Variants in KIF13B observed in about 807,000 individuals in gnomAD.
KIF13B encodes kinesin-like protein KIF13B.
A neutral mutation model predicts 222.0 loss-of-function variants in KIF13B; 127 were observed. The ratio of observed to expected loss-of-function variants is 0.57; its 90% CI spans 0.50 to 0.66. The LOEUF is 0.66. Among genes scored for constraint, KIF13B ranks in the 30% least tolerant of loss-of-function variants. KIF13B has a pLI of 0.00. For missense variants in KIF13B, 2,173 were observed against 2,379.0 expected (o/e 0.91, Z 1.80); for synonymous variants, 976 against 919.0 (o/e 1.06, Z -1.12).
intron 34 of KIF13B, 91 bp from the exon 35 acceptor site, chr8:29,108,283 G>A (rs995720335): frequency 2.1e-5 from 25 of 1,216,380 alleles, no homozygotes; most frequent in East Asian, 2.5e-5. Flanking sequence ...CCAGTCAACC[G>A]AACGTCAAAG....
chr8:29,221,023 T>G (rs1814719678), intron 2 of KIF13B, among the ~76,000 whole-genome samples: 1 of 151,560 alleles, frequency 6.6e-6, no homozygotes, highest in African/African-American at 2.4e-5. Flanking sequence ...GCACCTGTAG[T>G]GTCACCTACT....
chr8:29,081,509 C>T (rs1197616847), intron 37 of KIF13B, among the ~76,000 whole-genome samples: 1 of 152,156 alleles, frequency 6.6e-6, no homozygotes, highest in Non-Finnish European at 1.5e-5. Context: ...TCAAGTATTT[C>T]CGACGGAACT....
At chr8:29,254,556 G>A (rs479798) in intron 1 of KIF13B, among the ~76,000 whole-genome samples, 6,801 of 152,214 alleles carry the variant, frequency 0.045, 281 homozygotes, top group Admixed American at 0.12. Flanking sequence ...ATGAAAAGAC[G>A]CTCAACATTA....
chr8:29,188,721 C>T (rs928090862), intron 4 of KIF13B, 114 bp from the exon 5 acceptor site: 7 of 668,188 alleles, frequency 1.0e-5, no homozygotes, highest in African/African-American at 5.5e-5. Context: ...TATCTCCAAA[C>T]AAGATTTTTA....
chr8:29,098,031 C>T (rs1808613632), intron 36 of KIF13B, among the ~76,000 whole-genome samples: 1 of 151,552 alleles, frequency 6.6e-6, no homozygotes, highest in African/African-American at 2.4e-5. Context: ...ATTAGCTTGG[C>T]ATGGTGGCAC....
intron 2 of KIF13B, among the ~76,000 whole-genome samples, chr8:29,235,695 T>C (rs982737516): frequency 6.6e-6 from 1 of 152,166 alleles, no homozygotes; most frequent in Non-Finnish European, 1.5e-5. Context: ...GATAAACATA[T>C]AAAAGATGCC....
chr8:29,101,003 G>C, intron 35 of KIF13B, among the ~76,000 whole-genome samples: 1 of 152,170 alleles, frequency 6.6e-6, no homozygotes, highest in East Asian at 1.9e-4. Context: ...AAAATGGTGT[G>C]ATGGTCAGGA....
At chr8:29,213,134 A>C (rs1305070523) in intron 2 of KIF13B, among the ~76,000 whole-genome samples, 1 of 151,986 alleles carries the variant, frequency 6.6e-6, no homozygotes, top group Non-Finnish European at 1.5e-5. Flanking sequence ...ACCTCATTCA[A>C]CCTCTCTGCA....
At chr8:29,148,992 CAG>C (rs1380163376) in intron 15 of KIF13B, among the ~76,000 whole-genome samples, 1 of 152,132 alleles carries the variant, frequency 6.6e-6, no homozygotes, top group Non-Finnish European at 1.5e-5. Flanking sequence ...GTGACAAGCT[CAG>C]AGTGAAAGGA....
At chr8:29,097,891 G>A (rs1808606502) in intron 36 of KIF13B, among the ~76,000 whole-genome samples, 1 of 152,036 alleles carries the variant, frequency 6.6e-6, no homozygotes, top group Admixed American at 6.6e-5. Context: ...AGGTAAAGTG[G>A]CCAGGTGCGA....
In KIF13B at chr8:29,071,868, C is replaced by A. The variant is rs1448086506; in HGVS notation, c.4970G>T (p.Arg1657Leu). 1.3e-6 allele frequency: 2 copies of A among 1,535,528 alleles called. No homozygotes were observed. The highest frequency in any genetic ancestry group is 2.5e-5 in the East Asian group (1 of 40,802). Residue 1657 changes from arginine to leucine, a missense_variant, in exon 39 of 40, where the codon CGC becomes CTC. Transcript: ENST00000524189. This position sits in a 1 kb window ranked among gnomAD's most constrained non-coding sequence, Gnocchi z 4.9. ...RVRRVRASELRSFSRMLAGDP... is the reference protein window; with the variant it reads ...RVRRVRASELLSFSRMLAGDP... The stretch of plus-strand genomic sequence containing the variant: ...CCCAGCCAGCATGCGCGAGAAGGAG[C>A]GCAACTCCGAGGCCCGCACCCTCCG...
intron 1 of KIF13B, among the ~76,000 whole-genome samples, chr8:29,246,838 C>T (rs1035639173): frequency 6.6e-6 from 1 of 152,184 alleles, no homozygotes; most frequent in Non-Finnish European, 1.5e-5. Context: ...GATGCCAAAA[C>T]AACCCAATGG....
At position 29,134,040 on chromosome 8, in the gene KIF13B, A is replaced by G. The variant is rs1810457085; in HGVS notation, c.2784T>C (p.Asn928=). The G allele has an allele frequency of 6.2e-7, 1 of 1,611,968 alleles. No individual in the cohort carries two copies. The highest frequency in any genetic ancestry group is 8.5e-7 in the Non-Finnish European group (1 of 1,179,036). Residue 928 remains asparagine (N), a splice_region_variant and synonymous_variant, in exon 22 of 40, where the codon AAT becomes AAC. Transcript: ENST00000524189. Reference sequence around the variant, plus strand: ...GACCTACTCTGGAAAACAAACTCACATTGCAATGATCAAAGACAACCATGC... The same window carrying G: ...GACCTACTCTGGAAAACAAACTCACGTTGCAATGATCAAAGACAACCATGC... The part of the protein sequence containing the change: ...PHCMVVFDHC[N]EFSVNITEDF...
chr8:29,091,354 T>C (rs1320424107), intron 37 of KIF13B, among the ~76,000 whole-genome samples: 1 of 152,192 alleles, frequency 6.6e-6, no homozygotes. Flanking sequence ...AGGAGAATAG[T>C]AATGATGGCA....
At position 29,140,586 on chromosome 8, in the gene KIF13B, G is replaced by A. The variant is rs1220345843; in HGVS notation, c.2366C>T (p.Pro789Leu). ...GTGATTTTCCTGCTCATCATAGAAT[G>A]GATCAGCACGTTTGAAGTATGATCG... is the stretch of plus-strand genomic sequence containing the variant. ...VIRSYFKRAD[P>L]FYDEQENHSL... The change falls in exon 20 of 40, where the codon CCA becomes CTA. Residue 789 changes from proline (P) to leucine (L), a missense_variant. Transcript: ENST00000524189. The A allele has an allele frequency of 1.2e-6, 2 of 1,613,336 alleles. No individual in the cohort carries two copies. The highest frequency in any genetic ancestry group is 2.7e-5 in the African/African-American group (2 of 74,878).
chr8:29,139,179 T>C (rs1810697683), intron 21 of KIF13B, among the ~76,000 whole-genome samples: 1 of 152,158 alleles, frequency 6.6e-6, no homozygotes, highest in African/African-American at 2.4e-5. Flanking sequence ...GATCTTCCAT[T>C]AAAAAACATG....
intron 15 of KIF13B, 37 bp from the exon 16 acceptor site, chr8:29,148,804 G>A (rs779939067): frequency 1.4e-5 from 21 of 1,511,814 alleles, no homozygotes; most frequent in Admixed American, 1.9e-5. Context: ...CTGAAGTTAA[G>A]ATAGGCACTT....
intron 29 of KIF13B, among the ~76,000 whole-genome samples, chr8:29,121,178 CT>C (rs1563718604): frequency 1.4e-5 from 2 of 146,854 alleles, no homozygotes; most frequent in African/African-American, 5.1e-5. Context: ...CTACCAATGA[CT>C]TTCTTCACAG....
chr8:29,094,345 T>C (rs1289186830), intron 36 of KIF13B, among the ~76,000 whole-genome samples: 2 of 152,226 alleles, frequency 1.3e-5, no homozygotes, highest in Non-Finnish European at 2.9e-5. Context: ...GCCAGTCTAC[T>C]CTACAAGAAC....
Sources: allele counts gnomAD v4.1 joint callset (sites outside exome capture counted in the v4.1 genomes callset), GRCh38; gene constraint gnomAD v4.1.1; non-coding constraint Gnocchi (gnomAD v3.1); transcripts MANE v1.5; gene names NCBI Gene and HGNC (gene_info 2026-07-23, HGNC 2026-07-21).